DGKI: variants seen among roughly 807,000 people sequenced by gnomAD.
DGKI encodes the protein diacylglycerol kinase iota.
In DGKI, 55 loss-of-function variants were observed where a neutral mutation model predicts 147.5. That is an observed-to-expected ratio of 0.37 (90% CI 0.30 to 0.47). The LOEUF (loss-of-function observed/expected upper bound fraction) is 0.47. Among genes scored for constraint, DGKI ranks in the 20% least tolerant of loss-of-function variants. DGKI has a pLI of 1.00. For synonymous variants in DGKI, 469 were observed against 477.1 expected (o/e 0.98, Z 0.22); for missense variants, 1,007 against 1,323.8 (o/e 0.76, Z 3.71).
intron 30 of DGKI, among the ~76,000 whole-genome samples, chr7:137,406,135 G>A (rs984115429): frequency 1.3e-5 from 2 of 151,990 alleles, no homozygotes; most frequent in Admixed American, 1.3e-4. Context: ...TTGGGTAAAG[G>A]GTAAACTAAA....
At chr7:137,824,194 A>G (rs1407113538) in intron 1 of DGKI, among the ~76,000 whole-genome samples, 9 of 152,206 alleles carry the variant, frequency 5.9e-5, no homozygotes, top group Non-Finnish European at 1.3e-4. Flanking sequence ...ACAACGCTGA[A>G]GAAATGAAAG....
At chr7:137,831,075 T>G (rs961421670) in intron 1 of DGKI, among the ~76,000 whole-genome samples, 5 of 152,192 alleles carry the variant, frequency 3.3e-5, no homozygotes, top group African/African-American at 1.2e-4. Context: ...TATTCATTTT[T>G]CCTATAACAA....
chr7:137,658,822 T>A (rs553202404), intron 3 of DGKI, among the ~76,000 whole-genome samples: 2 of 152,346 alleles, frequency 1.3e-5, no homozygotes, highest in East Asian at 3.9e-4. Flanking sequence ...TGCATTAAGA[T>A]ATGCTATCTC....
At chr7:137,502,742 G>A (rs1190590093) in intron 21 of DGKI, among the ~76,000 whole-genome samples, 2 of 151,998 alleles carry the variant, frequency 1.3e-5, no homozygotes, top group East Asian at 1.9e-4. Flanking sequence ...CCACTAAAAC[G>A]GAACACCAGC....
intron 12 of DGKI, among the ~76,000 whole-genome samples, chr7:137,597,543 T>C (rs1819839668): frequency 6.6e-6 from 1 of 152,212 alleles, no homozygotes; most frequent in African/African-American, 2.4e-5. Flanking sequence ...GTTCAGCTTA[T>C]ATTTTAAAAG....
chr7:137,485,629 T>C (rs1223038974), intron 22 of DGKI, among the ~76,000 whole-genome samples: 1 of 152,116 alleles, frequency 6.6e-6, no homozygotes, highest in African/African-American at 2.4e-5. Context: ...GTCATTAAGC[T>C]GTTGAAACCT....
At position 137,810,189 on chromosome 7, in the gene DGKI, AAAG is replaced by A. The variant is rs560718355; in HGVS notation, c.401+36270_401+36272del. Among the ~76,000 whole-genome samples, 20 of 152,310 alleles carry A rather than the reference AAAG, an allele frequency of 1.3e-4. No individual in the cohort carries two copies. In the South Asian group the frequency reaches 3.9e-3, roughly 30 times the overall value. On this transcript the variant is annotated intron_variant, in intron 1 of 32. Coordinates refer to ENST00000614521, the MANE Select transcript of DGKI (RefSeq NM_001321708.2). ...GTATGACTTAGGGTTGAATTGAGTA[AAAG>A]AGTAATTGACAACAATAAGTTCAGG... is the stretch of plus-strand genomic sequence containing the variant.
chr7:137,675,241 A>G (rs1822990413), intron 3 of DGKI, among the ~76,000 whole-genome samples: 1 of 144,172 alleles, frequency 6.9e-6, no homozygotes. Flanking sequence ...CGTTATCCAC[A>G]AACACACATC....
intron 15 of DGKI, among the ~76,000 whole-genome samples, chr7:137,580,154 C>G (rs1197837563): frequency 6.6e-6 from 1 of 151,946 alleles, no homozygotes; most frequent in Non-Finnish European, 1.5e-5. Flanking sequence ...TCTTTTCATG[C>G]CTATTTTTGG....
intron 30 of DGKI, among the ~76,000 whole-genome samples, chr7:137,399,002 AT>A (rs10523881): frequency 0.4 from 58,142 of 145,370 alleles, 11,759 homozygotes; most frequent in Non-Finnish European, 0.45. Flanking sequence ...CCAGGGTTCC[AT>A]TTTTTTTTTT....
chr7:137,394,538 G>C (rs17530005), intron 32 of DGKI, among the ~76,000 whole-genome samples: 42,683 of 151,810 alleles, frequency 0.28, 6,975 homozygotes, highest in Admixed American at 0.36. Context: ...CTTTCTCTTG[G>C]GTGCTCTCTA....
intron 3 of DGKI, among the ~76,000 whole-genome samples, chr7:137,676,659 T>G (rs1823048964): frequency 6.6e-6 from 1 of 152,242 alleles, no homozygotes; most frequent in Non-Finnish European, 1.5e-5. Context: ...TATGAAATTA[T>G]GAGGAAGCTT....
At chr7:137,801,410 T>G (rs1797202316) in intron 1 of DGKI, among the ~76,000 whole-genome samples, 1 of 152,224 alleles carries the variant, frequency 6.6e-6, no homozygotes, top group Non-Finnish European at 1.5e-5. Context: ...TTTACATCAT[T>G]ACATAGCTAT....
intron 1 of DGKI, among the ~76,000 whole-genome samples, chr7:137,811,359 C>T (rs1435510114): frequency 8.5e-6 from 1 of 117,822 alleles, no homozygotes; most frequent in Non-Finnish European, 1.9e-5. Flanking sequence ...CTCTCTCTCT[C>T]TCTCCCTCTC....
chr7:137,656,031 G>A (rs980340526), intron 4 of DGKI, among the ~76,000 whole-genome samples: 11 of 152,212 alleles, frequency 7.2e-5, no homozygotes, highest in Non-Finnish European at 1.6e-4. Flanking sequence ...GGCTTCCAGC[G>A]TGGCTCGCTC....
At chr7:137,673,475 T>C (rs1822923893) in intron 3 of DGKI, among the ~76,000 whole-genome samples, 1 of 152,132 alleles carries the variant, frequency 6.6e-6, no homozygotes, top group African/African-American at 2.4e-5. Flanking sequence ...AAAGGTAAGA[T>C]TAAAAGGTAA....
chr7:137,821,324 G>T (rs2117035196), intron 1 of DGKI, among the ~76,000 whole-genome samples: 1 of 152,032 alleles, frequency 6.6e-6, no homozygotes, highest in South Asian at 2.1e-4. Flanking sequence ...GCCACTGGAA[G>T]TCACAGGGGG....
intron 6 of DGKI, among the ~76,000 whole-genome samples, chr7:137,638,606 A>ATATACACG (rs1821481405): frequency 3.2e-4 from 1 of 3,078 alleles, no homozygotes; most frequent in Non-Finnish European, 5.3e-4. Context: ...ATATATGTAT[A>ATATACACG]TATATACACA....
intron 1 of DGKI, among the ~76,000 whole-genome samples, chr7:137,725,954 G>A (rs1794706353): frequency 6.6e-6 from 1 of 152,134 alleles, no homozygotes; most frequent in Non-Finnish European, 1.5e-5. Context: ...ATATAGTACA[G>A]TATCTAAAAT....
Sources: gnomAD v4.1 joint callset for allele counts (sites outside exome capture counted in the v4.1 genomes callset) on GRCh38, gnomAD v4.1.1 for gene constraint, MANE v1.5 for transcripts, NCBI Gene and HGNC (gene_info 2026-07-23, HGNC 2026-07-21) for gene names.